SENP6: variants seen among roughly 807,000 people sequenced by gnomAD.
SENP6 encodes the protein sentrin-specific protease 6.
Under a neutral mutation model 134.5 loss-of-function variants are expected in SENP6, and 41 were observed. The observed-to-expected ratio is 0.30, with a 90% CI of 0.24 to 0.40. The LOEUF is 0.40. Ranked by LOEUF, SENP6 falls within the 10% of genes least tolerant of loss-of-function variation. SENP6 has a pLI of 1.00. For missense variants in SENP6, 1,248 were observed against 1,312.5 expected (o/e 0.95, Z 0.76); for synonymous variants, 395 against 429.8 (o/e 0.92, Z 1.00).
At chr6:75,634,428 A>G (rs1769348814) in intron 4 of SENP6, among the ~76,000 whole-genome samples, 1 of 152,044 alleles carries the variant, frequency 6.6e-6, no homozygotes, top group South Asian at 2.1e-4. Flanking sequence ...TATATTTGTT[A>G]TTAGAGACGG....
intron 7 of SENP6, among the ~76,000 whole-genome samples, chr6:75,657,342 A>T (rs78668145): frequency 0.019 from 2,924 of 152,316 alleles, 105 homozygotes; most frequent in African/African-American, 0.066. Context: ...TAGCCTTCAT[A>T]AAAATAATAC....
intron 10 of SENP6, among the ~76,000 whole-genome samples, chr6:75,668,627 A>G (rs564733612): frequency 1.3e-5 from 2 of 152,258 alleles, no homozygotes; most frequent in Non-Finnish European, 2.9e-5. Flanking sequence ...TGTTGAATGT[A>G]TAAGTTGGTG....
rs112230632 is a variant in SENP6 at position 75,690,699 on chromosome 6, G to GTT, written c.2076-5095_2076-5094dup. Among the ~76,000 whole-genome samples, 115 of 145,616 alleles carry GTT rather than the reference G, an allele frequency of 7.9e-4. 1 individual carries two copies. Among genetic ancestry groups the GTT allele is most frequent in the Middle Eastern group, 3.6e-3 (1 of 280 alleles). ...GTTTGTTTTGGTTTTTTTGTTTTTT[G>GTT]TTTTTTTTTTTGAGATGAGAGTCTC... On this transcript the variant is annotated intron_variant, in intron 16 of 23. Coordinates refer to ENST00000447266, the MANE Select transcript of SENP6 (RefSeq NM_015571.4).
At position 75,676,998 on chromosome 6, in the gene SENP6, T is replaced by G. The variant is rs750080274; in HGVS notation, c.1622-32T>G. 13 of 925,476 alleles carry G rather than the reference T, an allele frequency of 1.4e-5. No individual in the cohort carries two copies. In the African/African-American group the frequency reaches 2.0e-4, roughly 14 times the overall value. The allele number at this position is 925,476 out of a possible 1,614,324, so 57.3% of individuals were successfully genotyped here. On this transcript the variant is annotated intron_variant, in intron 13 of 23. Transcript: ENST00000447266. Reference sequence around the variant, plus strand: ...AAGTATCTATTTACTTCTTTTGTGTTTTTTTTTGGACTTATATTTATTTCT... The same window carrying G: ...AAGTATCTATTTACTTCTTTTGTGTGTTTTTTTGGACTTATATTTATTTCT...
intron 1 of SENP6, among the ~76,000 whole-genome samples, chr6:75,604,190 T>C (rs1388151337): frequency 6.6e-6 from 1 of 152,268 alleles, no homozygotes; most frequent in Non-Finnish European, 1.5e-5. Context: ...AAGCCACAGA[T>C]GTAGAGTTAA....
At position 75,683,576 on chromosome 6, in the gene SENP6, A is replaced by G. The variant is rs536846622; in HGVS notation, c.2075+4649A>G. 1.4e-3 allele frequency among the ~76,000 whole-genome samples: 207 copies of G among 152,272 alleles called. 1 individual carries two copies. The highest frequency in any genetic ancestry group is 2.6e-3 in the Non-Finnish European group (174 of 68,026). ...TCCATCTTGAATTAGTTTTTGTATAAGGTGTAAGGAGGGGATCCAGTTTCA... is the reference window on the plus strand; with the variant it reads ...TCCATCTTGAATTAGTTTTTGTATAGGGTGTAAGGAGGGGATCCAGTTTCA... On this transcript the variant is annotated intron_variant, in intron 16 of 23. Coordinates refer to ENST00000447266, the MANE Select transcript of SENP6 (RefSeq NM_015571.4).
At chr6:75,626,915 T>C (rs1407182207) in intron 3 of SENP6, among the ~76,000 whole-genome samples, 1 of 152,192 alleles carries the variant, frequency 6.6e-6, no homozygotes, top group Non-Finnish European at 1.5e-5. Flanking sequence ...TTCTGGGTTT[T>C]TTTTTCCCTC....
rs78670975 is a variant in SENP6 at position 75,622,140 on chromosome 6, G to A, written c.146+515G>A. Reference sequence around the variant, plus strand: ...ATAAACACAGGTGTTTACCCAGACAGAAGTTAAGCAAAGTGTTCATTACAC... The same window carrying A: ...ATAAACACAGGTGTTTACCCAGACAAAAGTTAAGCAAAGTGTTCATTACAC... On this transcript the variant is annotated intron_variant, in intron 2 of 23. Transcript: ENST00000447266. Among the ~76,000 whole-genome samples, 417 of 152,300 alleles carry A rather than the reference G, an allele frequency of 2.7e-3. 2 individuals are homozygous for A. The highest frequency in any genetic ancestry group is 0.014 in the Middle Eastern group (4 of 294).
At chr6:75,602,739 G>A (rs967801472) in intron 1 of SENP6, among the ~76,000 whole-genome samples, 163 bp downstream of exon 1, 24 of 152,174 alleles carry the variant, frequency 1.6e-4, no homozygotes, top group African/African-American at 5.5e-4. Flanking sequence ...AGCGCACCTG[G>A]TTCGAGTCCG....
At chr6:75,634,102 C>G (rs959528887) in intron 4 of SENP6, among the ~76,000 whole-genome samples, 2 of 152,038 alleles carry the variant, frequency 1.3e-5, no homozygotes, top group African/African-American at 2.4e-5. Context: ...TTTCTTATTC[C>G]TCCTTTTTAC....
chr6:75,675,115 C>T (rs976956029), intron 11 of SENP6, among the ~76,000 whole-genome samples: 2 of 151,702 alleles, frequency 1.3e-5, no homozygotes, highest in Non-Finnish European at 1.5e-5. Flanking sequence ...GAGTGAAAGT[C>T]AGACCCCCAT....
In SENP6 at chr6:75,705,924, CCTTTTTT is replaced by C. The variant is rs1487104580; in HGVS notation, c.2716+2853_2716+2859del. On this transcript the variant is annotated intron_variant, in intron 19 of 23. Coordinates refer to ENST00000447266, the MANE Select transcript of SENP6 (RefSeq NM_015571.4). ...AGTGAGTTAGAAAGCTATTTTTGAG[CCTTTTTT>C]TTTTTTTTTTTTTTTTTTTTTTTGA... Among the ~76,000 whole-genome samples the C allele has an allele frequency of 5.8e-4, 52 of 89,282 alleles. 8 individuals are homozygous for C. Among genetic ancestry groups the C allele is most frequent in the Admixed American group, 2.5e-3 (19 of 7,682 alleles). 58.6% of individuals were successfully genotyped at this position (89,282 alleles called of 152,430 possible).
chr6:75,682,479 A>G (rs1055987033), intron 16 of SENP6, among the ~76,000 whole-genome samples: 2 of 151,932 alleles, frequency 1.3e-5, no homozygotes, highest in African/African-American at 4.8e-5. Flanking sequence ...ATAGGTATAC[A>G]TGTGCCATGT....
rs368965164 is a variant in SENP6 at position 75,713,816 on chromosome 6, C to G, written c.3120C>G (p.Ser1040Arg). Reference protein sequence around the residue: ...CGVYVLQYVESFFENPILSFE... With the variant: ...CGVYVLQYVERFFENPILSFE... ...TATATGTATTGCAGTATGTAGAGAGCTTTTTTGAGGTGGGTTTCAATTTGT... is the reference window on the plus strand; with the variant it reads ...TATATGTATTGCAGTATGTAGAGAGGTTTTTTGAGGTGGGTTTCAATTTGT... The change falls in exon 23 of 24, where the codon AGC becomes AGG. Residue 1040 changes from serine to arginine, a missense_variant. This residue lies in a region of SENP6 where 386 missense variants were observed against 395.0 expected (regional missense o/e 0.98). Coordinates refer to ENST00000447266, the MANE Select transcript of SENP6 (RefSeq NM_015571.4). 1 of 1,576,358 alleles carries G rather than the reference C, an allele frequency of 6.3e-7. No individual in the cohort carries two copies. Among genetic ancestry groups the G allele is most frequent in the Admixed American group, 1.9e-5 (1 of 53,906 alleles).
At chr6:75,652,683 C>CAAAAAAAAACAAAAAAAAA (rs1770968332) in intron 7 of SENP6, among the ~76,000 whole-genome samples, 1 of 75,856 alleles carries the variant, frequency 1.3e-5, no homozygotes, top group African/African-American at 6.3e-5. Flanking sequence ...CTAAAAATCT[C>CAAAAAAAAACAAAAAAAAA]AAAAAAAAAA....
chr6:75,625,982 T>C (rs919846131), intron 3 of SENP6, among the ~76,000 whole-genome samples: 8 of 152,196 alleles, frequency 5.3e-5, no homozygotes, highest in Non-Finnish European at 5.9e-5. Context: ...GATTTTCAAA[T>C]TATTTTGTTT....
intron 5 of SENP6, 140 bp from the exon 6 acceptor site, chr6:75,640,544 A>G (rs1301370397): frequency 5.0e-5 from 18 of 358,108 alleles, no homozygotes; most frequent in African/African-American, 8.5e-5. Context: ...AAAACATAGT[A>G]TATTATATAT....
intron 16 of SENP6, chr6:75,679,837 C>T (rs763367284): frequency 6.6e-6 from 1 of 152,084 alleles, no homozygotes; most frequent in African/African-American, 2.4e-5. Flanking sequence ...TACTGTGTTT[C>T]ATTAAACAAA....
At chr6:75,709,748 T>G (rs1775642468) in intron 20 of SENP6, 118 bp downstream of exon 20, 2 of 602,618 alleles carry the variant, frequency 3.3e-6, no homozygotes, top group East Asian at 2.8e-5. Context: ...GGCAGAAAGA[T>G]CTCTTGAGCC....
Sources: allele counts gnomAD v4.1 joint callset (sites outside exome capture counted in the v4.1 genomes callset), GRCh38; gene constraint gnomAD v4.1.1; regional missense constraint gnomAD v4.1.1; transcripts MANE v1.5; gene names NCBI Gene and HGNC (gene_info 2026-07-23, HGNC 2026-07-21).